The following LPCAT4 variants were observed in gnomAD, a reference collection of about 807,000 sequenced individuals.
LPCAT4 encodes the protein lysophospholipid acyltransferase LPCAT4.
In LPCAT4, 30 loss-of-function variants were observed where a neutral mutation model predicts 66.5. The observed-to-expected ratio is 0.45, with a 90% CI of 0.34 to 0.61. The LOEUF (loss-of-function observed/expected upper bound fraction) is 0.61. Ranked by LOEUF, LPCAT4 falls within the 20% of genes least tolerant of loss-of-function variation. The pLI, the probability that LPCAT4 is intolerant of heterozygous loss-of-function variation, is 0.01. For missense variants in LPCAT4, 557 were observed against 656.7 expected (o/e 0.85, Z 1.66); for synonymous variants, 253 against 262.1 (o/e 0.97, Z 0.34).
chr15:34,364,800 A>C lies in LPCAT4; in HGVS notation c.478+208T>G, dbSNP rs1000799747. On this transcript the variant is annotated intron_variant, in intron 3 of 13. Transcript: ENST00000314891. ...ATCCCTTTATAGTAGTTGTCCTTTT[A>C]GAGAACTGACCAGAACTCCCTCCAA... 3 of 558,678 alleles carry C rather than the reference A, an allele frequency of 5.4e-6. No homozygotes were observed. The Admixed American group carries it at 9.2e-5, about 17-fold the overall frequency. 34.6% of individuals were successfully genotyped at this position (558,678 alleles called of 1,614,324 possible). A position where few individuals can be genotyped will look rare whatever the true frequency, so the allele number is the denominator to read the frequency against.
At chr15:34,361,591 A>G (rs1890944139) in intron 10 of LPCAT4, 59 bp from the exon 11 acceptor site, 1 of 1,602,756 alleles carries the variant, frequency 6.2e-7, no homozygotes, top group South Asian at 1.1e-5. Flanking sequence ...ACACACCATC[A>G]GCAGGACTTC....
At chr15:34,359,389 T>C (rs1224222719) in intron 13 of LPCAT4, 87 bp from the exon 14 acceptor site, 20 of 1,367,414 alleles carry the variant, frequency 1.5e-5, no homozygotes, top group Non-Finnish European at 1.9e-5. Context: ...TAAAACACCT[T>C]GTGCCTCTAC....
rs1176254487 is a variant in LPCAT4, at chr15:34,365,603, A to T, written c.213T>A (p.Gly71=). Residue 71 remains glycine (G), a synonymous_variant, in exon 2 of 14, where the codon GGT becomes GGA. Coordinates refer to ENST00000314891, the MANE Select transcript of LPCAT4 (RefSeq NM_153613.3). ...GCTCCTGAAGCTGCTCCTCACTAAG[A>T]CCGGCCACTTGAAGCCAGGCAAAGG... ...LWPFAWLQVA[G]LSEEQLQEPI... is the part of the protein sequence containing the mutation. The T allele has an allele frequency of 1.2e-6, 2 of 1,614,114 alleles. No homozygotes were observed. Among genetic ancestry groups the T allele is most frequent in the Non-Finnish European group, 1.7e-6 (2 of 1,180,032 alleles).
At chr15:34,359,843 G>C in intron 12 of LPCAT4, 98 bp from the exon 13 acceptor site, 11 of 1,326,968 alleles carry the variant, frequency 8.3e-6, no homozygotes, top group Non-Finnish European at 9.3e-6. Context: ...CTTCCAAAAG[G>C]GTGGTGCACA....
Position 34,362,628 on chromosome 15 carries a change from C to T in LPCAT4, c.829G>A (p.Glu277Lys). Residue 277 changes from glutamate to lysine, a missense_variant, in exon 9 of 14, where the codon GAG (glutamate) becomes AAG (lysine). Coordinates refer to ENST00000314891, the MANE Select transcript of LPCAT4 (RefSeq NM_153613.3). Reference protein sequence around the residue: ...EFLPVYHPSPEESRDPTLYAN... With the variant: ...EFLPVYHPSPKESRDPTLYAN... ...TAGAGGGTGGGGTCCCTGCTCTCCTCAGGGCTGGGGTGATACACAGGAAGG... is the reference window on the plus strand; with the variant it reads ...TAGAGGGTGGGGTCCCTGCTCTCCTTAGGGCTGGGGTGATACACAGGAAGG... The T allele has an allele frequency of 5.7e-6, 9 of 1,586,016 alleles. No homozygotes were observed. The highest frequency in any genetic ancestry group is 7.7e-6 in the Non-Finnish European group (9 of 1,164,660).
At position 34,361,423 on chromosome 15, in the gene LPCAT4, C is replaced by A; in HGVS notation, c.1120G>T (p.Gly374Cys). ...LQLSDPQTVAGAFGYFQQDTK... is the reference protein window; with the variant it reads ...LQLSDPQTVACAFGYFQQDTK... ...ACCTGCTGGAAGTAGCCAAAGGCAC[C>A]AGCCACCGTCTGAGGATCAGAGAGC... The change falls in exon 11 of 14, where the codon GGT becomes TGT. Residue 374 changes from glycine (G) to cysteine (C), a missense_variant. Transcript: ENST00000314891. 6.2e-7 allele frequency: 1 copy of A among 1,614,180 alleles called. No individual in the cohort carries two copies. The highest frequency in any genetic ancestry group is 1.7e-5 in the Admixed American group (1 of 60,012).
chr15:34,365,438 C>T (rs1891054060), intron 2 of LPCAT4, 121 bp downstream of exon 2: 4 of 1,406,630 alleles, frequency 2.8e-6, no homozygotes, highest in South Asian at 2.7e-5. Flanking sequence ...GCTGACTCAT[C>T]TCATCTACCC....
Position 34,361,513 on chromosome 15 carries a change from C to G in LPCAT4, c.1030G>C (p.Asp344His), listed in dbSNP as rs1341662936. ...CTCCGGCCTGGCTCTGCCCCAGCGTCCACATAGCCAGCGGACAGCCTACGA... is the reference window on the plus strand; with the variant it reads ...CTCCGGCCTGGCTCTGCCCCAGCGTGCACATAGCCAGCGGACAGCCTACGA... Reference protein sequence around the residue: ...RKAGLSAGYVDAGAEPGRSRM... With the variant: ...RKAGLSAGYVHAGAEPGRSRM... Residue 344 changes from aspartate (D) to histidine (H), a missense_variant, in exon 11 of 14, where the codon GAC becomes CAC. Asp to His is a moderately conservative substitution (Grantham distance 81). Around this residue, in one of 4 missense-constraint regions of LPCAT4, gnomAD observed 392 missense variants for 473.9 expected, o/e 0.83. Coordinates refer to ENST00000314891, the MANE Select transcript of LPCAT4 (RefSeq NM_153613.3). 1.2e-6 allele frequency: 2 copies of G among 1,613,954 alleles called. No individual in the cohort carries two copies. Among genetic ancestry groups the G allele is most frequent in the South Asian group, 1.1e-5 (1 of 91,086 alleles).
In LPCAT4 at chr15:34,363,983, C is replaced by G. The variant is rs759340195; in HGVS notation, c.652+30G>C. The G allele has an allele frequency of 6.3e-7, 1 of 1,597,344 alleles. No homozygotes were observed. Among genetic ancestry groups the G allele is most frequent in the Non-Finnish European group, 8.6e-7 (1 of 1,167,122 alleles). ...CCAAATCTGGAACTTCTTTTTCCTACAGCCCACCACCCACTATCATTTTAT... is the reference window on the plus strand; with the variant it reads ...CCAAATCTGGAACTTCTTTTTCCTAGAGCCCACCACCCACTATCATTTTAT... On this transcript the variant is annotated intron_variant, in intron 5 of 13. Coordinates refer to ENST00000314891, the MANE Select transcript of LPCAT4 (RefSeq NM_153613.3). This position sits in a 1 kb window ranked among gnomAD's most constrained non-coding sequence, Gnocchi z 4.3.
At chr15:34,361,367 G>A in intron 11 of LPCAT4, 33 bp downstream of exon 11, 1 of 1,613,664 alleles carries the variant, frequency 6.2e-7, no homozygotes, top group Non-Finnish European at 8.5e-7. Flanking sequence ...GGAAGCCTGG[G>A]TTCTGCTCTG....
At chr15:34,362,372 C>G (rs1196470126) in intron 9 of LPCAT4, 51 bp from the exon 10 acceptor site, 1 of 1,610,592 alleles carries the variant, frequency 6.2e-7, no homozygotes, top group Non-Finnish European at 8.5e-7. Context: ...GAAGAAACTT[C>G]TGAGGGTTGG....
In LPCAT4 at chr15:34,363,926, T is replaced by G; in HGVS notation, c.652+87A>C. The G allele has an allele frequency of 2.8e-6, 4 of 1,441,478 alleles. No individual in the cohort carries two copies. Among genetic ancestry groups the G allele is most frequent in the Non-Finnish European group, 3.9e-6 (4 of 1,031,488 alleles). The allele number at this position is 1,441,478 out of a possible 1,614,324, so 89.3% of individuals were successfully genotyped here. On this transcript the variant is annotated intron_variant, in intron 5 of 13. Transcript: ENST00000314891. The surrounding 1 kb of genome is among the most constrained non-coding windows in gnomAD (Gnocchi z 4.3). ...CCTTCCTCTCCCATCCCTCCCCCTC[T>G]TCTACTTCTTGGGTTATTTCAGAGT...
intron 7 of LPCAT4, 87 bp from the exon 8 acceptor site, chr15:34,362,923 C>T: frequency 2.2e-6 from 3 of 1,348,822 alleles, no homozygotes; most frequent in Non-Finnish European, 3.1e-6. Flanking sequence ...TTCCCCAACC[C>T]AGGTGGGGAG....
chr15:34,364,789 G>T, intron 3 of LPCAT4: 1 of 545,598 alleles, frequency 1.8e-6, no homozygotes, highest in Non-Finnish European at 3.3e-6. Flanking sequence ...CTTTATAGTA[G>T]TTGTCCTTTT....
intron 1 of LPCAT4, 196 bp from the exon 2 acceptor site, chr15:34,365,897 A>G (rs1404043808): frequency 1.7e-6 from 1 of 601,764 alleles, no homozygotes; most frequent in Non-Finnish European, 2.9e-6. Context: ...TAAAAGATTA[A>G]TGGCATCAAG....
chr15:34,363,880 A>G lies in LPCAT4; in HGVS notation c.652+133T>C. 7 of 1,259,686 alleles carry G rather than the reference A, an allele frequency of 5.6e-6. No homozygotes were observed. The highest frequency in any genetic ancestry group is 8.0e-6 in the Non-Finnish European group (7 of 871,146). 78.0% of individuals were successfully genotyped at this position (1,259,686 alleles called of 1,614,324 possible). On this transcript the variant is annotated intron_variant, in intron 5 of 13. Transcript: ENST00000314891. This position sits in a 1 kb window ranked among gnomAD's most constrained non-coding sequence, Gnocchi z 4.3. ...TCTGACTCCTCGACTTGACAGCATT[A>G]GCTAGGAGGTTCCTGGTCTCCCTTC...
At chr15:34,360,665 A>T (rs1890920687) in intron 11 of LPCAT4, among the ~76,000 whole-genome samples, 1 of 152,218 alleles carries the variant, frequency 6.6e-6, no homozygotes, top group African/African-American at 2.4e-5. Context: ...AGACCATGGC[A>T]TTTGAATTTT....
Position 34,363,268 on chromosome 15 carries a change from G to A in LPCAT4, c.746+154C>T, listed in dbSNP as rs1306804074. 3.3e-5 allele frequency among the ~76,000 whole-genome samples: 5 copies of A among 152,164 alleles called. No homozygotes were observed. Among genetic ancestry groups the A allele is most frequent in the Non-Finnish European group, 7.4e-5 (5 of 68,016 alleles). The stretch of plus-strand genomic sequence containing the variant: ...AATCTAAGCACAGCCAGATTATATG[G>A]GGACATCAGGGGGAAAGTGGTGTCT... On this transcript the variant is annotated intron_variant, in intron 7 of 13. Transcript: ENST00000314891. The surrounding 1 kb of genome is among the most constrained non-coding windows in gnomAD (Gnocchi z 4.3).
chr15:34,364,077 G>A lies in LPCAT4; in HGVS notation c.592-4C>T. 1 of 1,612,306 alleles carries A rather than the reference G, an allele frequency of 6.2e-7. No individual in the cohort carries two copies. Among genetic ancestry groups the A allele is most frequent in the Non-Finnish European group, 8.5e-7 (1 of 1,178,422 alleles). On this transcript the variant is annotated splice_region_variant and splice_polypyrimidine_tract_variant and intron_variant, in intron 4 of 13. Coordinates refer to ENST00000314891, the MANE Select transcript of LPCAT4 (RefSeq NM_153613.3). Reference sequence around the variant, plus strand: ...TGCCCTCAGGAAAGAATAGCACCTGGGGTAAAAAAGAGCAGAATGAGGTGA... The same window carrying A: ...TGCCCTCAGGAAAGAATAGCACCTGAGGTAAAAAAGAGCAGAATGAGGTGA...
Sources: gnomAD v4.1 joint callset for allele counts (sites outside exome capture counted in the v4.1 genomes callset) on GRCh38, gnomAD v4.1.1 for gene constraint, gnomAD v4.1.1 regional missense constraint, Gnocchi (gnomAD v3.1) non-coding constraint, MANE v1.5 for transcripts, NCBI Gene and HGNC (gene_info 2026-07-23, HGNC 2026-07-21) for gene names.